OPALIN: variants seen among roughly 807,000 people sequenced by gnomAD.
The protein encoded by OPALIN is transmembrane protein 10.
A neutral mutation model predicts 17.8 loss-of-function variants in OPALIN; 15 were observed. The ratio of observed to expected loss-of-function variants is 0.84; its 90% CI spans 0.56 to 1.29. OPALIN has a LOEUF of 1.29. OPALIN is among the 50% of genes most tolerant of loss of function. OPALIN has a pLI of 0.00. For synonymous variants in OPALIN, 62 were observed against 63.8 expected (o/e 0.97, Z 0.14); for missense variants, 170 against 176.0 (o/e 0.97, Z 0.19).
At chr10:96,346,200 C>T (rs1377936748) in intron 5 of OPALIN, 83 bp from the exon 6 acceptor site, 1 of 1,296,888 alleles carries the variant, frequency 7.7e-7, no homozygotes, top group Non-Finnish European at 1.1e-6. Context: ...CACATTGACC[C>T]TCCCACCTGA....
intron 4 of OPALIN, among the ~76,000 whole-genome samples, chr10:96,349,377 CT>C (rs1411622272): frequency 1.3e-5 from 2 of 152,194 alleles, no homozygotes; most frequent in Non-Finnish European, 2.9e-5. Flanking sequence ...AGCTTGTGCG[CT>C]TTTGTTTCTC....
At chr10:96,347,371 G>A (rs1432109472) in intron 5 of OPALIN, among the ~76,000 whole-genome samples, 1 of 152,058 alleles carries the variant, frequency 6.6e-6, no homozygotes, top group African/African-American at 2.4e-5. Context: ...TGAGATTACA[G>A]GCGTGAGCCA....
chr10:96,349,477 A>C (rs561592054), intron 4 of OPALIN, among the ~76,000 whole-genome samples: 3 of 152,204 alleles, frequency 2.0e-5, no homozygotes, highest in Admixed American at 6.5e-5. Flanking sequence ...TACCCCAAAT[A>C]CCATCTTTGT....
Position 96,355,247 on chromosome 10 carries a change from G to C in OPALIN, c.39+8C>G, listed in dbSNP as rs767345645. 2 of 1,611,562 alleles carry C rather than the reference G, an allele frequency of 1.2e-6. No individual in the cohort carries two copies. The highest frequency in any genetic ancestry group is 1.7e-6 in the Non-Finnish European group (2 of 1,178,634). On this transcript the variant is annotated splice_region_variant and intron_variant, in intron 2 of 5. Transcript: ENST00000371172. ...CGTTGCCTGGTGAATGGGGGCTGCT[G>C]TACTTACTGTGTTCGCCGGCAGGGT...
chr10:96,356,757 G>A (rs905257497), intron 1 of OPALIN, among the ~76,000 whole-genome samples: 2 of 152,140 alleles, frequency 1.3e-5, no homozygotes, highest in East Asian at 1.9e-4. Context: ...TTCAATCAAC[G>A]TGGCCCTGCT....
chr10:96,343,872 T>C lies in OPALIN; in HGVS notation c.*2069A>G, dbSNP rs1384287647. On this transcript the variant is annotated 3_prime_UTR_variant, in exon 6 of 6. Transcript: ENST00000371172. The stretch of plus-strand genomic sequence containing the variant: ...TGAGAAAGGAATATTTTCTAGGATA[T>C]CTGTGTGGCTCATGGAGCTGCTGGA... The C allele has an allele frequency of 2.0e-5, 3 of 152,238 alleles. No homozygotes were observed. The highest frequency in any genetic ancestry group is 7.2e-5 in the African/African-American group (3 of 41,468). The allele number at this position is 152,238 out of a possible 1,614,324, so 9.4% of individuals were successfully genotyped here. A position where few individuals can be genotyped will look rare whatever the true frequency, so the allele number is the denominator to read the frequency against.
intron 2 of OPALIN, among the ~76,000 whole-genome samples, chr10:96,352,248 C>T (rs1182310190): frequency 6.6e-6 from 1 of 152,000 alleles, no homozygotes; most frequent in Non-Finnish European, 1.5e-5. Flanking sequence ...AAGCTCTGTC[C>T]AGATCTGTTA....
chr10:96,349,631 C>A, intron 4 of OPALIN, 76 bp downstream of exon 4: 1 of 1,511,838 alleles, frequency 6.6e-7, no homozygotes, highest in Non-Finnish European at 8.9e-7. Context: ...AATTCTGACA[C>A]CCTTAGTCCA....
intron 3 of OPALIN, among the ~76,000 whole-genome samples, chr10:96,350,716 TG>T (rs1394890712): frequency 6.6e-6 from 1 of 152,244 alleles, no homozygotes; most frequent in African/African-American, 2.4e-5. Flanking sequence ...AAAATTTATT[TG>T]CAATAAATGC....
rs529249590 is a variant in OPALIN, at chr10:96,345,775, T to G, written c.*166A>C. ...ATCTGAGAGTTGGAATTAACCATGT[T>G]GGGGATGTCCCCTAAAGAGACAAAT... On this transcript the variant is annotated 3_prime_UTR_variant, in exon 6 of 6. Transcript: ENST00000371172. The G allele has an allele frequency of 3.1e-4, 191 of 611,278 alleles. 1 individual carries two copies. In the African/African-American group the frequency reaches 3.1e-3, roughly 10 times the overall value. The allele number at this position is 611,278 out of a possible 1,614,324, so 37.9% of individuals were successfully genotyped here. A position where few individuals can be genotyped will look rare whatever the true frequency, so the allele number is the denominator to read the frequency against.
intron 5 of OPALIN, among the ~76,000 whole-genome samples, chr10:96,347,094 T>C (rs1564881407): frequency 6.6e-6 from 1 of 151,958 alleles, no homozygotes; most frequent in East Asian, 1.9e-4. Context: ...TTCTTTCTTT[T>C]TTTTTTCTTT....
chr10:96,345,925 C>T lies in OPALIN; in HGVS notation c.*16G>A. ...CTGTTCCAGTGCCAGGTCTGCTGCT[C>T]CTTGACTGAGCTGCATCATTCCAGG... On this transcript the variant is annotated 3_prime_UTR_variant, in exon 6 of 6. Coordinates refer to ENST00000371172, the MANE Select transcript of OPALIN (RefSeq NM_033207.5). 1.9e-6 allele frequency: 3 copies of T among 1,608,362 alleles called. No individual in the cohort carries two copies. In the South Asian group the frequency reaches 3.3e-5, roughly 18 times the overall value.
chr10:96,352,569 T>C (rs1457508228), intron 2 of OPALIN, among the ~76,000 whole-genome samples: 1 of 151,906 alleles, frequency 6.6e-6, no homozygotes, highest in African/African-American at 2.4e-5. Flanking sequence ...CCACACTACT[T>C]TAATCCTGCA....
chr10:96,350,813 G>T (rs1178186725), intron 3 of OPALIN, among the ~76,000 whole-genome samples: 1 of 152,140 alleles, frequency 6.6e-6, no homozygotes, highest in African/African-American at 2.4e-5. Context: ...TTTCAGATTT[G>T]CAGACTATCT....
At position 96,346,091 on chromosome 10, in the gene OPALIN, C is replaced by G; in HGVS notation, c.276G>C (p.Glu92Asp). The change falls in exon 6 of 6, where the codon GAG becomes GAC. Residue 92 changes from glutamate to aspartate, a missense_variant. Physicochemically the swap from Glu to Asp is conservative, Grantham distance 45. Coordinates refer to ENST00000371172, the MANE Select transcript of OPALIN (RefSeq NM_033207.5). The stretch of plus-strand genomic sequence containing the variant: ...CCTCTTGTGCTCCCATCGTATTCTT[C>G]TCATGTGTGGGTGATCTCCTAGGAT... Reference protein sequence around the residue: ...SENPRRSPTHEKNTMGAQEAH... With the variant: ...SENPRRSPTHDKNTMGAQEAH... 2.5e-6 allele frequency: 4 copies of G among 1,614,072 alleles called. No homozygotes were observed. Among genetic ancestry groups the G allele is most frequent in the Non-Finnish European group, 3.4e-6 (4 of 1,179,968 alleles).
In OPALIN at chr10:96,358,939, G is replaced by A. The variant is rs768250984; in HGVS notation, c.-43C>T. On this transcript the variant is annotated 5_prime_UTR_variant, in exon 1 of 6. Coordinates refer to ENST00000371172, the MANE Select transcript of OPALIN (RefSeq NM_033207.5). ...GAACCTTCTTCGTACACTGCCTTTG[G>A]TAAGCTCCTTTCTCACTGGCTTTAT... The A allele has an allele frequency of 2.5e-6, 4 of 1,610,922 alleles. No individual in the cohort carries two copies. In the Admixed American group the frequency reaches 6.7e-5, roughly 27 times the overall value.
intron 2 of OPALIN, 66 bp downstream of exon 2, chr10:96,355,189 G>C (rs1359492973): frequency 1.6e-6 from 2 of 1,269,886 alleles, no homozygotes; most frequent in East Asian, 5.7e-5. Flanking sequence ...GAGTTCTGGA[G>C]ACCTACTGTA....
Position 96,343,940 on chromosome 10 carries a change from C to G in OPALIN, c.*2001G>C, listed in dbSNP as rs1183823027. On this transcript the variant is annotated 3_prime_UTR_variant, in exon 6 of 6. Transcript: ENST00000371172. ...GGACCCAGGCCTTCCCACTGGGAGGCCTGGCCTGCTAGAGGGCAATGGCTA... is the reference window on the plus strand; with the variant it reads ...GGACCCAGGCCTTCCCACTGGGAGGGCTGGCCTGCTAGAGGGCAATGGCTA... 6.6e-6 allele frequency: 1 copy of G among 152,174 alleles called. No individual in the cohort carries two copies. The highest frequency in any genetic ancestry group is 2.4e-5 in the African/African-American group (1 of 41,438). The allele number at this position is 152,174 out of a possible 1,614,324, so 9.4% of individuals were successfully genotyped here.
At chr10:96,353,575 C>A in intron 2 of OPALIN, 1 of 781,206 alleles carries the variant, frequency 1.3e-6, no homozygotes. Context: ...GAGAAATGAG[C>A]TGTTAACCAA....
Sources: gnomAD v4.1 joint callset for allele counts (sites outside exome capture counted in the v4.1 genomes callset) on GRCh38, gnomAD v4.1.1 for gene constraint, MANE v1.5 for transcripts, NCBI Gene and HGNC (gene_info 2026-07-23, HGNC 2026-07-21) for gene names.